Variants in GRIK4 observed in about 807,000 individuals in gnomAD.
The protein encoded by GRIK4 is glutamate receptor ionotropic, kainate 4.
A neutral mutation model predicts 104.9 loss-of-function variants in GRIK4; 40 were observed. The observed-to-expected ratio is 0.38, with a 90% CI of 0.30 to 0.50. The LOEUF (loss-of-function observed/expected upper bound fraction) is 0.50. GRIK4 is among the 20% of genes least tolerant of loss of function. GRIK4 has a pLI of 0.93. For synonymous variants in GRIK4, 485 were observed against 524.9 expected, an observed-to-expected ratio of 0.92 and a Z score of 1.04; for missense variants, 1,047 against 1,308.1, an observed-to-expected ratio of 0.80 and a Z score of 3.08.
chr11:120,969,586 G>A (rs1439198212), intron 19 of GRIK4, among the ~76,000 whole-genome samples: 1 of 152,144 alleles, frequency 6.6e-6, no homozygotes, highest in Non-Finnish European at 1.5e-5. Flanking sequence ...AAGACACATG[G>A]ATTGGAAACA....
intron 1 of GRIK4, among the ~76,000 whole-genome samples, chr11:120,522,201 A>G (rs918174833): frequency 6.6e-6 from 1 of 152,248 alleles, no homozygotes; most frequent in Admixed American, 6.5e-5. Flanking sequence ...GAGGGAGCAC[A>G]TGAAAGCACC....
chr11:120,968,404 A>G (rs1944419820), intron 19 of GRIK4, among the ~76,000 whole-genome samples: 1 of 152,190 alleles, frequency 6.6e-6, no homozygotes, highest in Non-Finnish European at 1.5e-5. Flanking sequence ...AAAATATGCA[A>G]CAGATTTACC....
chr11:120,727,040 A>G (rs941992355), intron 3 of GRIK4, among the ~76,000 whole-genome samples: 27 of 152,212 alleles, frequency 1.8e-4, no homozygotes, highest in African/African-American at 6.3e-4. Flanking sequence ...AGCAAGGGGA[A>G]GACAGACCTG....
At chr11:120,866,549 G>T (rs1367139797) in intron 9 of GRIK4, among the ~76,000 whole-genome samples, 1 of 152,122 alleles carries the variant, frequency 6.6e-6, no homozygotes, top group Non-Finnish European at 1.5e-5. Context: ...ACCTCCCAAG[G>T]CCTCAGCATC....
At chr11:120,529,774 A>T (rs868080548) in intron 1 of GRIK4, among the ~76,000 whole-genome samples, 3 of 152,182 alleles carry the variant, frequency 2.0e-5, no homozygotes, top group Non-Finnish European at 4.4e-5. Flanking sequence ...GTGCTTTCAC[A>T]TCCAGCATCT....
rs182881506 is a variant in GRIK4 at position 120,531,632 on chromosome 11, G to A, written c.-159+19745G>A. 5.5e-3 allele frequency among the ~76,000 whole-genome samples: 832 copies of A among 151,956 alleles called. 8 individuals carry two copies. The highest frequency in any genetic ancestry group is 0.018 in the African/African-American group (763 of 41,416). ...GCTCTGTTGCTCAGGCTGGAGTGCA[G>A]TGGCGCAGTCTCGGCTCACTGGAAC... On this transcript the variant is annotated intron_variant, in intron 1 of 20. Transcript: ENST00000527524.
intron 9 of GRIK4, among the ~76,000 whole-genome samples, chr11:120,865,297 A>G (rs1353753079): frequency 6.6e-6 from 1 of 152,282 alleles, no homozygotes; most frequent in African/African-American, 2.4e-5. Context: ...AGCTTTTGCT[A>G]TGTAAATACT....
At chr11:120,710,243 T>G (rs996880077) in intron 3 of GRIK4, among the ~76,000 whole-genome samples, 1 of 152,188 alleles carries the variant, frequency 6.6e-6, no homozygotes, top group Non-Finnish European at 1.5e-5. Flanking sequence ...GAGATTGAAC[T>G]GGATATTTTC....
intron 8 of GRIK4, among the ~76,000 whole-genome samples, chr11:120,837,420 G>A (rs1041313028): frequency 6.6e-6 from 1 of 152,164 alleles, no homozygotes; most frequent in South Asian, 2.1e-4. Flanking sequence ...TCAGGAAGCC[G>A]TTCAGCCTTC....
chr11:120,889,421 C>G (rs1592043668), intron 11 of GRIK4, among the ~76,000 whole-genome samples: 1 of 151,710 alleles, frequency 6.6e-6, no homozygotes, highest in South Asian at 2.1e-4. Flanking sequence ...TCTGTGCACT[C>G]AAGAAGCCAC....
chr11:120,891,242 T>A (rs1722733590), intron 11 of GRIK4, among the ~76,000 whole-genome samples: 1 of 152,186 alleles, frequency 6.6e-6, no homozygotes. Flanking sequence ...GCTCACTGAC[T>A]GCAGCCTGGA....
At chr11:120,867,105 C>A (rs554359308) in intron 9 of GRIK4, among the ~76,000 whole-genome samples, 1 of 152,134 alleles carries the variant, frequency 6.6e-6, no homozygotes, top group Middle Eastern at 3.4e-3. Flanking sequence ...AGAGAACCTT[C>A]CAGCTACTGT....
chr11:120,889,589 ATTTTTTTTTTTTTT>A (rs369264259), intron 11 of GRIK4, among the ~76,000 whole-genome samples: 2 of 62,450 alleles, frequency 3.2e-5, no homozygotes, highest in Non-Finnish European at 5.7e-5. Context: ...AAGAGCTTAC[ATTTTTTTTTTTTTT>A]TTTTTTTTTT....
chr11:120,573,580 A>T (rs928578729), intron 1 of GRIK4, among the ~76,000 whole-genome samples: 2 of 152,144 alleles, frequency 1.3e-5, no homozygotes, highest in African/African-American at 2.4e-5. Flanking sequence ...TACACAGGGG[A>T]TGGAGAGACA....
At chr11:120,969,315 T>G (rs1944435660) in intron 19 of GRIK4, among the ~76,000 whole-genome samples, 1 of 152,032 alleles carries the variant, frequency 6.6e-6, no homozygotes, top group Non-Finnish European at 1.5e-5. Context: ...TTTTGTGGAT[T>G]GGATAGAATG....
At chr11:120,514,875 C>A (rs1376680536) in intron 1 of GRIK4, 2 of 426,742 alleles carry the variant, frequency 4.7e-6, no homozygotes, top group Non-Finnish European at 9.4e-6. Flanking sequence ...TGCCGTGGTC[C>A]CTACTTGGGC....
intron 3 of GRIK4, among the ~76,000 whole-genome samples, chr11:120,748,493 C>T (rs2852224): frequency 0.052 from 7,948 of 152,080 alleles, 267 homozygotes; most frequent in African/African-American, 0.1. Flanking sequence ...TTTCCACTCT[C>T]CCCCAGGCAC....
At chr11:120,578,514 C>T (rs1591708960) in intron 1 of GRIK4, among the ~76,000 whole-genome samples, 3 of 152,196 alleles carry the variant, frequency 2.0e-5, no homozygotes, top group Admixed American at 1.3e-4. Flanking sequence ...TTACACGTAA[C>T]ACAGCTGAAG....
chr11:120,641,255 A>G (rs935902364), intron 1 of GRIK4, among the ~76,000 whole-genome samples: 1 of 152,236 alleles, frequency 6.6e-6, no homozygotes, highest in Non-Finnish European at 1.5e-5. Context: ...TTGGTATGCT[A>G]AAAAGTCCTG....
Sources: gnomAD v4.1 joint callset for allele counts (sites outside exome capture counted in the v4.1 genomes callset) on GRCh38, gnomAD v4.1.1 for gene constraint, MANE v1.5 for transcripts, NCBI Gene and HGNC (gene_info 2026-07-23, HGNC 2026-07-21) for gene names.